The following NOTCH1 variants were observed in gnomAD, a reference collection of about 807,000 sequenced individuals.
NOTCH1 encodes the protein notch receptor 1, also known as neurogenic locus notch homolog protein 1.
Under a neutral mutation model 254.8 loss-of-function variants are expected in NOTCH1, and 37 were observed. That is an observed-to-expected ratio of 0.15 (90% CI 0.11 to 0.19). NOTCH1 has a LOEUF of 0.19. Among genes scored for constraint, NOTCH1 ranks in the 10% least tolerant of loss-of-function variants. The pLI is 1.00. For synonymous variants in NOTCH1, 1,731 were observed against 1,618.1 expected, an observed-to-expected ratio of 1.07 and a Z score of -1.68; for missense variants, 2,972 against 3,708.6, an observed-to-expected ratio of 0.80 and a Z score of 5.16.
intron 2 of NOTCH1, among the ~76,000 whole-genome samples, chr9:136,532,467 T>TGGCTGG (rs60701216): frequency 0.29 from 43,283 of 151,550 alleles, 6,601 homozygotes; most frequent in African/African-American, 0.38. Flanking sequence ...CCAGAGCCTG[T>TGGCTGG]GGCTGGCCTC....
At position 136,518,892 on chromosome 9, in the gene NOTCH1, C is replaced by A; in HGVS notation, c.866-68G>T. 2.1e-6 allele frequency: 3 copies of A among 1,449,128 alleles called. No individual in the cohort carries two copies. The Admixed American group carries it at 5.1e-5, about 25-fold the overall frequency. 89.8% of individuals were successfully genotyped at this position (1,449,128 alleles called of 1,614,324 possible). A position where few individuals can be genotyped will look rare whatever the true frequency, so the allele number is the denominator to read the frequency against. On this transcript the variant is annotated intron_variant, in intron 5 of 33. Coordinates refer to ENST00000651671, the MANE Select transcript of NOTCH1 (RefSeq NM_017617.5). ...CCTGAGCTCCCTGTCCCCTAAGACG[C>A]AGGGTGGCAATGCCGCCCCCTCCAG... is the stretch of plus-strand genomic sequence containing the variant.
At chr9:136,538,501 C>A (rs951947382) in intron 2 of NOTCH1, among the ~76,000 whole-genome samples, 7 of 152,242 alleles carry the variant, frequency 4.6e-5, no homozygotes, top group African/African-American at 1.7e-4. Context: ...GAGCTCCGGG[C>A]CCCACAGGAG....
chr9:136,526,207 C>T (rs1268468437), intron 2 of NOTCH1, among the ~76,000 whole-genome samples: 3 of 152,240 alleles, frequency 2.0e-5, no homozygotes, highest in East Asian at 1.9e-4. Flanking sequence ...CGAGGTGGAG[C>T]GGCCGCTGGG....
chr9:136,508,196 G>A (rs1347308986), intron 20 of NOTCH1, 36 bp downstream of exon 20: 1 of 1,609,170 alleles, frequency 6.2e-7, no homozygotes, highest in African/African-American at 1.3e-5. Context: ...GACCTTGATG[G>A]GCTGGGACCC....
At chr9:136,531,032 T>G (rs988659875) in intron 2 of NOTCH1, among the ~76,000 whole-genome samples, 1 of 152,234 alleles carries the variant, frequency 6.6e-6, no homozygotes, top group African/African-American at 2.4e-5. Flanking sequence ...CCTGTTCTCC[T>G]CTGGAGTGAG....
intron 2 of NOTCH1, among the ~76,000 whole-genome samples, chr9:136,538,277 A>G (rs1416767590): frequency 6.6e-6 from 1 of 151,314 alleles, no homozygotes; most frequent in African/African-American, 2.4e-5. Flanking sequence ...CCACCCCTGC[A>G]GCCACTGCCC....
intron 2 of NOTCH1, among the ~76,000 whole-genome samples, chr9:136,524,598 G>GGA (rs1843429041): frequency 6.6e-6 from 1 of 151,822 alleles, no homozygotes; most frequent in Non-Finnish European, 1.5e-5. Context: ...CGGAAAGTGT[G>GGA]GATCAGCCCC....
rs754675254 is a variant in NOTCH1 at position 136,496,917 on chromosome 9, G to T, written c.6822C>A (p.Ser2274=). The change falls in exon 34 of 34, where the codon TCC becomes TCA. Residue 2274 remains serine, a synonymous_variant. Transcript: ENST00000651671. Reference sequence around the variant, plus strand: ...TGGTGCCAGAGGCCACAGGCAGGTGGGAGAGACGAGGTGGGCCAGTCTCAA... The same window carrying T: ...TGGTGCCAGAGGCCACAGGCAGGTGTGAGAGACGAGGTGGGCCAGTCTCAA... The part of the protein sequence containing the change: ...LAFETGPPRL[S]HLPVASGTST... The T allele has an allele frequency of 1.8e-5, 29 of 1,612,366 alleles. No homozygotes were observed. The highest frequency in any genetic ancestry group is 5.0e-5 in the Admixed American group (3 of 59,972).
chr9:136,509,337 A>G (rs1480082465), intron 18 of NOTCH1, among the ~76,000 whole-genome samples: 1 of 152,238 alleles, frequency 6.6e-6, no homozygotes, highest in African/African-American at 2.4e-5. Flanking sequence ...GGGTGGTTAA[A>G]GTAAATGAGG....
intron 22 of NOTCH1, 47 bp downstream of exon 22, chr9:136,507,258 C>T: frequency 6.2e-7 from 1 of 1,612,204 alleles, no homozygotes; most frequent in Admixed American, 1.7e-5. Flanking sequence ...CTGCCCCTGC[C>T]CTGGCCATGG....
chr9:136,517,712 G>T, intron 8 of NOTCH1, 40 bp downstream of exon 8: 1 of 1,610,822 alleles, frequency 6.2e-7, no homozygotes, highest in Non-Finnish European at 8.5e-7. Context: ...AGGCTGCCCA[G>T]CCTCGACTCG....
intron 16 of NOTCH1, 150 bp from the exon 17 acceptor site, chr9:136,510,955 T>G: frequency 8.0e-6 from 11 of 1,371,306 alleles, no homozygotes; most frequent in Non-Finnish European, 9.1e-6. Flanking sequence ...AATTTTGGCC[T>G]AAGAAGGTCA....
rs774271911 is a variant in NOTCH1 at position 136,519,428 on chromosome 9, G to A, written c.865+15C>T. ...CGCCCCGGCTACCCCGCCCTGCGGC[G>A]ACCCGTATACGCGCCTGTCCACTCT... On this transcript the variant is annotated intron_variant, in intron 5 of 33. Transcript: ENST00000651671. 17 of 1,612,410 alleles carry A rather than the reference G, an allele frequency of 1.1e-5. No individual in the cohort carries two copies. Among genetic ancestry groups the A allele is most frequent in the African/African-American group, 5.3e-5 (4 of 74,932 alleles).
intron 2 of NOTCH1, among the ~76,000 whole-genome samples, chr9:136,539,825 G>T (rs1299788308): frequency 6.6e-6 from 1 of 152,160 alleles, no homozygotes; most frequent in African/African-American, 2.4e-5. Flanking sequence ...GAGCCAGACC[G>T]GGTGACAGGA....
chr9:136,511,377 C>T, intron 15 of NOTCH1, 106 bp from the exon 16 acceptor site: 2 of 1,429,668 alleles, frequency 1.4e-6, no homozygotes, highest in Non-Finnish European at 1.9e-6. Context: ...GTCTGCTGGT[C>T]CCGCCGGGAG....
In NOTCH1 at chr9:136,510,440, C is replaced by T. The variant is rs1843160648; in HGVS notation, c.2740+213G>A. On this transcript the variant is annotated intron_variant, in intron 17 of 33. Transcript: ENST00000651671. ...CGTGGGAGGGGCTCTCGTGACTCTT[C>T]CGCGAAGTGCAGGGAGGAGCAAGCC... 6.3e-6 allele frequency: 4 copies of T among 636,692 alleles called. No individual in the cohort carries two copies. In the East Asian group the frequency reaches 8.2e-5, roughly 13 times the overall value. 39.4% of individuals were successfully genotyped at this position (636,692 alleles called of 1,614,324 possible).
At position 136,494,664 on chromosome 9, in the gene NOTCH1, G is replaced by A. The variant is rs1164884151; in HGVS notation, c.*1407C>T. ...GTAGAGCCGGGGGAGGCTGCCCTGA[G>A]GAGTGCAGGCGGCACGGCAGCGGAG... On this transcript the variant is annotated 3_prime_UTR_variant, in exon 34 of 34. Coordinates refer to ENST00000651671, the MANE Select transcript of NOTCH1 (RefSeq NM_017617.5). 5.0e-6 allele frequency: 2 copies of A among 398,824 alleles called. No homozygotes were observed. The highest frequency in any genetic ancestry group is 8.8e-6 in the Non-Finnish European group (2 of 226,050). 24.7% of individuals were successfully genotyped at this position (398,824 alleles called of 1,614,324 possible).
rs905803751 is a variant in NOTCH1 at position 136,522,887 on chromosome 9, G to A, written c.705C>T (p.Pro235=). 2 of 1,531,492 alleles carry A rather than the reference G, an allele frequency of 1.3e-6. No homozygotes were observed. Among genetic ancestry groups the A allele is most frequent in the Non-Finnish European group, 1.8e-6 (2 of 1,137,520 alleles). The allele number at this position is 1,531,492 out of a possible 1,614,324, so 94.9% of individuals were successfully genotyped here. Residue 235 remains proline, a synonymous_variant, in exon 4 of 34, where the codon CCC becomes CCT. Coordinates refer to ENST00000651671, the MANE Select transcript of NOTCH1 (RefSeq NM_017617.5). ...CACACTCGTGGGTGACGTCGCCCGT[G>A]GGGCGGCAGGTGCCCCCGTTCTGGC... ...SPCQNGGTCR[P]TGDVTHECAC...
Position 136,525,308 on chromosome 9 carries a change from C to T in NOTCH1, c.141-1329G>A, listed in dbSNP as rs910818745. 2.0e-5 allele frequency among the ~76,000 whole-genome samples: 3 copies of T among 152,164 alleles called. No homozygotes were observed. In the East Asian group the frequency reaches 5.8e-4, roughly 29 times the overall value. On this transcript the variant is annotated intron_variant, in intron 2 of 33. Coordinates refer to ENST00000651671, the MANE Select transcript of NOTCH1 (RefSeq NM_017617.5). ...CAGGCCTGGTCTCACCTGTTCCCTG[C>T]GGCAACAGGCGCAGAGCCTGCCCCC...
Sources: allele counts gnomAD v4.1 joint callset (sites outside exome capture counted in the v4.1 genomes callset), GRCh38; gene constraint gnomAD v4.1.1; transcripts MANE v1.5; gene names NCBI Gene and HGNC (gene_info 2026-07-23, HGNC 2026-07-21).